MEF2C: variants seen among roughly 807,000 people sequenced by gnomAD.
MEF2C encodes myocyte-specific enhancer factor 2C.
In MEF2C, 6 loss-of-function variants were observed where a neutral mutation model predicts 50.5. That is an observed-to-expected ratio of 0.12 (90% CI 0.07 to 0.23). MEF2C has a LOEUF of 0.23. Among genes scored for constraint, MEF2C ranks in the 10% least tolerant of loss-of-function variants. The pLI is 1.00. For synonymous variants in MEF2C, 183 were observed against 228.0 expected (o/e 0.80, Z 1.78); for missense variants, 276 against 605.0 (o/e 0.46, Z 5.70).
chr5:88,844,278 C>A (rs929177292), intron 1 of MEF2C, among the ~76,000 whole-genome samples: 3 of 152,162 alleles, frequency 2.0e-5, no homozygotes, highest in African/African-American at 7.2e-5. Flanking sequence ...AAAAAATGCA[C>A]AACTTGTCCA....
intron 1 of MEF2C, among the ~76,000 whole-genome samples, chr5:88,899,552 C>T (rs2150320269): frequency 6.6e-6 from 1 of 152,262 alleles, no homozygotes; most frequent in Middle Eastern, 3.4e-3. Context: ...GAGTCTAACT[C>T]AAATCTTCCT....
chr5:88,748,960 C>A, intron 6 of MEF2C, 110 bp downstream of exon 6: 1 of 1,532,840 alleles, frequency 6.5e-7, no homozygotes, highest in South Asian at 1.2e-5. Context: ...TTTTTCCATG[C>A]CTCTCACAGA....
Position 88,857,448 on chromosome 5 carries a change from G to T in MEF2C, c.-143+25507C>A, listed in dbSNP as rs572397409. ...ATTAGAATGAGCTAAGACTTTGGGG[G>T]ACTGTTGGAAAGGCATAATTGCATT... On this transcript the variant is annotated intron_variant, in intron 1 of 10. Coordinates refer to ENST00000504921, the MANE Select transcript of MEF2C (RefSeq NM_002397.5). 6.0e-4 allele frequency among the ~76,000 whole-genome samples: 92 copies of T among 152,256 alleles called. 1 individual carries two copies. The highest frequency in any genetic ancestry group is 2.1e-3 in the African/African-American group (86 of 41,544).
rs958002269 is a variant in MEF2C, at chr5:88,787,240, CTT to C, written c.258+17356_258+17357del. ...TCAATATTTACTTATAAATAATACA[CTT>C]ATTAGCATAAACTATGCAGTCGTAA... is the stretch of plus-strand genomic sequence containing the variant. On this transcript the variant is annotated intron_variant, in intron 3 of 10. Coordinates refer to ENST00000504921, the MANE Select transcript of MEF2C (RefSeq NM_002397.5). 4.8e-4 allele frequency among the ~76,000 whole-genome samples: 73 copies of C among 152,196 alleles called. 2 individuals are homozygous for C. Among genetic ancestry groups the C allele is most frequent in the Admixed American group, 6.5e-5 (1 of 15,274 alleles).
chr5:88,874,161 C>T (rs537124227), intron 1 of MEF2C, among the ~76,000 whole-genome samples: 9 of 151,830 alleles, frequency 5.9e-5, no homozygotes, highest in Non-Finnish European at 1.0e-4. Context: ...ACTTACTAGG[C>T]GAACCTCTAA....
rs377207567 is a variant in MEF2C, at chr5:88,851,049, G to A, written c.-142-27119C>T. Among the ~76,000 whole-genome samples the A allele has an allele frequency of 5.3e-5, 8 of 151,542 alleles. 1 individual carries two copies. In the South Asian group the frequency reaches 1.5e-3, roughly 28 times the overall value. ...AGAATGCAGTATATTCCTGTCCAACGTGGTGAAACCCCATCTCTACTAAAA... is the reference window on the plus strand; with the variant it reads ...AGAATGCAGTATATTCCTGTCCAACATGGTGAAACCCCATCTCTACTAAAA... On this transcript the variant is annotated intron_variant, in intron 1 of 10. Coordinates refer to ENST00000504921, the MANE Select transcript of MEF2C (RefSeq NM_002397.5).
chr5:88,731,975 A>C, intron 6 of MEF2C, 74 bp from the exon 7 acceptor site: 1 of 1,366,118 alleles, frequency 7.3e-7, no homozygotes, highest in Non-Finnish European at 9.9e-7. Flanking sequence ...ACACAACATG[A>C]GAATAAAAAC....
At chr5:88,769,182 G>C (rs1043443836) in intron 3 of MEF2C, among the ~76,000 whole-genome samples, 2 of 152,208 alleles carry the variant, frequency 1.3e-5, no homozygotes, top group South Asian at 2.1e-4. Flanking sequence ...GTGAATGTGA[G>C]TCAGATACTA....
At chr5:88,734,410 C>T (rs981601698) in intron 6 of MEF2C, 24 of 985,108 alleles carry the variant, frequency 2.4e-5, no homozygotes, top group Non-Finnish European at 2.9e-5. Flanking sequence ...AACTAAAACC[C>T]CAGCTCGGTA....
At chr5:88,853,115 T>C (rs142062066) in intron 1 of MEF2C, among the ~76,000 whole-genome samples, 22 of 152,282 alleles carry the variant, frequency 1.4e-4, no homozygotes, top group Non-Finnish European at 2.8e-4. Flanking sequence ...TCCCAGCTAC[T>C]CAGGACGCTG....
chr5:88,876,268 T>C (rs1831050348), intron 1 of MEF2C, among the ~76,000 whole-genome samples: 1 of 151,630 alleles, frequency 6.6e-6, no homozygotes, highest in Non-Finnish European at 1.5e-5. Flanking sequence ...AAAATGTGTG[T>C]TCTTCTGTGT....
chr5:88,749,276 T>C (rs755899230), intron 5 of MEF2C, 159 bp from the exon 6 acceptor site: 55 of 931,332 alleles, frequency 5.9e-5, no homozygotes, highest in Non-Finnish European at 6.8e-5. Context: ...TATTGTGCCA[T>C]GCTGTGCTCA....
chr5:88,847,003 T>C (rs1819583534), intron 1 of MEF2C, among the ~76,000 whole-genome samples: 1 of 152,234 alleles, frequency 6.6e-6, no homozygotes, highest in Admixed American at 6.5e-5. Context: ...AAGCACAAAA[T>C]ATTTTTTAAA....
chr5:88,783,361 G>A (rs1165668646), intron 3 of MEF2C, among the ~76,000 whole-genome samples: 1 of 152,148 alleles, frequency 6.6e-6, no homozygotes. Context: ...GGGTGCAGTG[G>A]TTCACGCCTG....
intron 1 of MEF2C, among the ~76,000 whole-genome samples, chr5:88,853,439 T>C (rs1045197866): frequency 1.3e-4 from 20 of 152,134 alleles, no homozygotes; most frequent in African/African-American, 4.3e-4. Context: ...GCCTAGACAT[T>C]TAGTAAGTTG....
At chr5:88,742,786 G>A (rs1767434057) in intron 6 of MEF2C, 1 of 985,180 alleles carries the variant, frequency 1.0e-6, no homozygotes, top group South Asian at 4.7e-5. Context: ...TCAAGGTAAT[G>A]GTTTATCTAT....
In MEF2C at chr5:88,871,795, T is replaced by C. The variant is rs543715208; in HGVS notation, c.-143+11160A>G. Among the ~76,000 whole-genome samples, 11 of 152,204 alleles carry C rather than the reference T, an allele frequency of 7.2e-5. No homozygotes were observed. The East Asian group carries it at 9.6e-4, about 13-fold the overall frequency. Reference sequence around the variant, plus strand: ...AATTCTGCATTTTCTATACTTTATGTTTTTTTCTTACATAAATAAAAATAC... The same window carrying C: ...AATTCTGCATTTTCTATACTTTATGCTTTTTTCTTACATAAATAAAAATAC... On this transcript the variant is annotated intron_variant, in intron 1 of 10. Coordinates refer to ENST00000504921, the MANE Select transcript of MEF2C (RefSeq NM_002397.5).
At chr5:88,752,730 A>G (rs1188522575) in intron 4 of MEF2C, 2 of 985,346 alleles carry the variant, frequency 2.0e-6, no homozygotes, top group Non-Finnish European at 2.4e-6. Context: ...GTTGGCAAAT[A>G]TTTAGTGAAC....
chr5:88,806,560 T>C (rs1333885795), intron 2 of MEF2C, among the ~76,000 whole-genome samples: 1 of 152,052 alleles, frequency 6.6e-6, no homozygotes, highest in Non-Finnish European at 1.5e-5. Context: ...ACTAAATAGA[T>C]TTATGTTGAC....
Sources: allele counts gnomAD v4.1 joint callset (sites outside exome capture counted in the v4.1 genomes callset), GRCh38; gene constraint gnomAD v4.1.1; transcripts MANE v1.5; gene names NCBI Gene and HGNC (gene_info 2026-07-23, HGNC 2026-07-21).